Variants in MB observed in about 807,000 individuals in gnomAD.
MB encodes the protein nitrite reductase MB.
MB carries 10 observed loss-of-function variants against 14.5 expected under a neutral mutation model. The observed-to-expected ratio is 0.69, with a 90% CI of 0.43 to 1.17. The LOEUF (loss-of-function observed/expected upper bound fraction) is 1.17. MB is among the 50% of genes most tolerant of loss of function. MB has a pLI of 0.00. For synonymous variants in MB, 89 were observed against 78.6 expected (o/e 1.13, Z -0.70); for missense variants, 169 against 192.7 (o/e 0.88, Z 0.73).
intron 2 of MB, 113 bp downstream of exon 2, chr22:35,610,771 G>T: frequency 1.3e-6 from 1 of 778,292 alleles, no homozygotes; most frequent in Middle Eastern, 3.7e-4. Flanking sequence ...ACAGAGAAGA[G>T]TGGCATAGGT....
At chr22:35,617,357 T>TA, upstream of MB, 1 of 850,328 alleles carries the variant, frequency 1.2e-6, no homozygotes, top group South Asian at 1.5e-5. Context: ...AGGGCGTTTT[T>TA]ATACCTTCTG....
upstream of MB, among the ~76,000 whole-genome samples, chr22:35,621,551 T>A (rs1248815694): frequency 6.6e-6 from 1 of 152,166 alleles, no homozygotes; most frequent in Non-Finnish European, 1.5e-5. Context: ...CGGTATTTTG[T>A]CCAATTTCCC....
At chr22:35,621,043 G>A (rs8137205), upstream of MB, among the ~76,000 whole-genome samples, 7 of 152,190 alleles carry the variant, frequency 4.6e-5, no homozygotes, top group African/African-American at 1.7e-4. Context: ...ACAGAGCAGC[G>A]TTACCTCACA....
intron 2 of MB, 81 bp from the exon 3 acceptor site, chr22:35,607,524 C>G: frequency 7.1e-7 from 1 of 1,404,578 alleles, no homozygotes; most frequent in Non-Finnish European, 9.9e-7. Context: ...GTCCTCCTAC[C>G]TTCTCTTTAT....
chr22:35,612,069 A>G (rs1922674971), intron 1 of MB, among the ~76,000 whole-genome samples: 1 of 152,084 alleles, frequency 6.6e-6, no homozygotes, highest in African/African-American at 2.4e-5. Flanking sequence ...CCCAAAATGG[A>G]ACAGTTTCAT....
chr22:35,621,320 C>T (rs1425492771), upstream of MB, among the ~76,000 whole-genome samples: 1 of 152,160 alleles, frequency 6.6e-6, no homozygotes, highest in African/African-American at 2.4e-5. Flanking sequence ...TTTCATATCA[C>T]AGGATCCTTT....
At chr22:35,622,753 G>A (rs1311864639) in intron 1 of MB, among the ~76,000 whole-genome samples, 5 of 151,742 alleles carry the variant, frequency 3.3e-5, no homozygotes, top group African/African-American at 1.2e-4. Context: ...GAGGCTCCGA[G>A]TGGCTCCTCC....
chr22:35,608,061 C>G lies in MB; in HGVS notation c.319-618G>C, dbSNP rs1922292566. Among the ~76,000 whole-genome samples the G allele has an allele frequency of 6.6e-6, 1 of 152,176 alleles. No homozygotes were observed. The highest frequency in any genetic ancestry group is 1.5e-5 in the Non-Finnish European group (1 of 68,038). ...AAGAAGACAGGGATGAGGCCCGCGG[C>G]TGGCTCCCAGGATGGAGAATGTCTG... On this transcript the variant is annotated intron_variant, in intron 2 of 2. Coordinates refer to ENST00000397326, the MANE Select transcript of MB (RefSeq NM_005368.3). This position sits in a 1 kb window ranked among gnomAD's most constrained non-coding sequence, Gnocchi z 4.3.
chr22:35,623,296 T>C, exon 1 of MB: 1 of 152,348 alleles, frequency 6.6e-6, no homozygotes, highest in Non-Finnish European at 1.5e-5. Flanking sequence ...TTGGAGTCCT[T>C]CCCCCTCACT....
intron 1 of MB, among the ~76,000 whole-genome samples, chr22:35,615,231 G>T (rs1333755554): frequency 2.0e-5 from 3 of 152,192 alleles, no homozygotes; most frequent in Admixed American, 6.5e-5. Flanking sequence ...ACTCTCACGG[G>T]TGGCATTTGC....
upstream of MB, chr22:35,617,338 C>A: frequency 8.6e-7 from 1 of 1,165,356 alleles, no homozygotes. Flanking sequence ...TTGAGGCTGC[C>A]TGGTCCCAAG....
chr22:35,622,302 C>G (rs1923520085), upstream of MB, among the ~76,000 whole-genome samples: 1 of 150,240 alleles, frequency 6.7e-6, no homozygotes, highest in East Asian at 2.0e-4. Flanking sequence ...CTGGCAGAGT[C>G]TACCCTCCTG....
chr22:35,616,263 A>G (rs774669722), intron 1 of MB, among the ~76,000 whole-genome samples: 56 of 152,316 alleles, frequency 3.7e-4, no homozygotes, highest in Admixed American at 7.2e-4. Context: ...CCTTTGGGAT[A>G]GAAGGCAACG....
Position 35,607,353 on chromosome 22 carries a change from C to T in MB, c.409G>A (p.Glu137Lys). ...GAGGCCATGTCCTTCCGGAACAGCTCCAGGGCCTTGTTCATGGCCCCCTGG... is the reference window on the plus strand; with the variant it reads ...GAGGCCATGTCCTTCCGGAACAGCTTCAGGGCCTTGTTCATGGCCCCCTGG... The part of the protein sequence containing the change: ...DAQGAMNKAL[E>K]LFRKDMASNY... The change falls in exon 3 of 3, where the codon GAG (glutamate) becomes AAG (lysine). Residue 137 changes from glutamate to lysine, a missense_variant. Glu to Lys is a moderately conservative substitution (Grantham distance 56, BLOSUM62 1). Transcript: ENST00000397326. 6.2e-7 allele frequency: 1 copy of T among 1,614,208 alleles called. No individual in the cohort carries two copies. Among genetic ancestry groups the T allele is most frequent in the South Asian group, 1.1e-5 (1 of 91,088 alleles).
upstream of MB, among the ~76,000 whole-genome samples, chr22:35,620,204 C>T (rs535652598): frequency 5.3e-5 from 8 of 152,176 alleles, no homozygotes; most frequent in South Asian, 6.2e-4. Flanking sequence ...CATGGTGGCA[C>T]GAACCTGTAG....
At chr22:35,614,167 C>A (rs371556176) in intron 1 of MB, among the ~76,000 whole-genome samples, 67 of 152,342 alleles carry the variant, frequency 4.4e-4, no homozygotes, top group African/African-American at 1.5e-3. Context: ...TGGACACTCA[C>A]ATGGAACATG....
upstream of MB, among the ~76,000 whole-genome samples, chr22:35,620,259 G>A (rs187874451): frequency 2.8e-4 from 43 of 152,250 alleles, no homozygotes; most frequent in Admixed American, 7.2e-4. Flanking sequence ...ACTTGAACCC[G>A]GGAGGCAGAG....
chr22:35,607,850 A>G (rs1447010034), intron 2 of MB, among the ~76,000 whole-genome samples: 1 of 152,202 alleles, frequency 6.6e-6, no homozygotes, highest in East Asian at 1.9e-4. Context: ...CTCAGATTTC[A>G]TTATTGTATT....
intron 2 of MB, among the ~76,000 whole-genome samples, chr22:35,609,561 C>T (rs549500420): frequency 6.6e-6 from 1 of 152,248 alleles, no homozygotes; most frequent in East Asian, 1.9e-4. Context: ...GATATTGTGC[C>T]ACAGTGGATT....
Sources: gnomAD v4.1 joint callset for allele counts (sites outside exome capture counted in the v4.1 genomes callset) on GRCh38, gnomAD v4.1.1 for gene constraint, Gnocchi (gnomAD v3.1) non-coding constraint, MANE v1.5 for transcripts, NCBI Gene and HGNC (gene_info 2026-07-23, HGNC 2026-07-21) for gene names.